The following COG3 variants were observed in gnomAD, a reference collection of about 807,000 sequenced individuals.
The protein encoded by COG3 is component of oligomeric golgi complex 3.
A neutral mutation model predicts 114.1 loss-of-function variants in COG3; 32 were observed. The ratio of observed to expected loss-of-function variants is 0.28; its 90% CI spans 0.21 to 0.38. The LOEUF is 0.38. Ranked by LOEUF, COG3 falls within the 10% of genes least tolerant of loss-of-function variation. COG3 has a pLI of 1.00. For missense variants in COG3, 813 were observed against 973.2 expected (o/e 0.84, Z 2.19); for synonymous variants, 352 against 365.7 (o/e 0.96, Z 0.43).
chr13:45,523,149 GT>G (rs68132374), intron 19 of COG3, among the ~76,000 whole-genome samples: 100,554 of 143,294 alleles, frequency 0.7, 36,327 homozygotes, highest in Admixed American at 0.8. Context: ...GCTTAAAAGT[GT>G]TTTTTTTTTT....
At position 45,519,060 on chromosome 13, in the gene COG3, T is replaced by A. The variant is rs779589226; in HGVS notation, c.2120T>A (p.Leu707Gln). 8.1e-6 allele frequency: 13 copies of A among 1,614,228 alleles called. No homozygotes were observed. The Admixed American group carries it at 1.7e-4, about 21-fold the overall frequency. ...CEQFIQQQTK[L>Q]FVEQLEEFMT... ...CAGTTTATTCAGCAGCAGACCAAGC[T>A]GTTTGTAGAACAGCTGGAGGAGTTC... The change falls in exon 19 of 23, where the codon CTG (leucine) becomes CAG (glutamine). Residue 707 changes from leucine (L) to glutamine (Q), a missense_variant. By Grantham distance (113) the Leu-to-Gln change is moderately radical. Around this residue, in one of 2 missense-constraint regions of COG3, gnomAD observed 389 missense variants for 542.6 expected, o/e 0.72. Coordinates refer to ENST00000349995, the MANE Select transcript of COG3 (RefSeq NM_031431.4).
At chr13:45,491,831 C>G (rs1887035651) in intron 10 of COG3, among the ~76,000 whole-genome samples, 1 of 152,008 alleles carries the variant, frequency 6.6e-6, no homozygotes, top group Admixed American at 6.6e-5. Flanking sequence ...TGCAGAAGTG[C>G]TTTTTTGTTT....
Position 45,480,157 on chromosome 13 carries a change from A to G in COG3, c.416A>G (p.Glu139Gly). Reference sequence around the variant, plus strand: ...AGGGATTACTTGTCTGGGTTTCAGGAGCAGTGTGATGCTATATTGAATGAT... The same window carrying G: ...AGGGATTACTTGTCTGGGTTTCAGGGGCAGTGTGATGCTATATTGAATGAT... ...QMRDYLSGFQ[E>G]QCDAILNDVN... Residue 139 changes from glutamate to glycine, a missense_variant, in exon 4 of 23, where the codon GAG becomes GGG. This residue lies in a region of COG3 where 424 missense variants were observed against 430.6 expected (regional missense o/e 0.98). Transcript: ENST00000349995. 6.2e-7 allele frequency: 1 copy of G among 1,612,688 alleles called. No individual in the cohort carries two copies. Among genetic ancestry groups the G allele is most frequent in the South Asian group, 1.1e-5 (1 of 90,888 alleles).
chr13:45,502,613 C>T (rs1460269285), intron 13 of COG3, among the ~76,000 whole-genome samples: 1 of 151,958 alleles, frequency 6.6e-6, no homozygotes, highest in Non-Finnish European at 1.5e-5. Context: ...CTAATCAATT[C>T]TCTGGCTATT....
At chr13:45,493,618 C>T in intron 12 of COG3, 132 bp downstream of exon 12, 4 of 671,616 alleles carry the variant, frequency 6.0e-6, no homozygotes, top group Non-Finnish European at 9.3e-6. Flanking sequence ...TGATGCCTTA[C>T]CCCTTCTTGA....
intron 13 of COG3, among the ~76,000 whole-genome samples, chr13:45,502,691 T>C (rs1869677079): frequency 1.3e-5 from 2 of 152,226 alleles, no homozygotes; most frequent in South Asian, 4.1e-4. Flanking sequence ...ATAAGTTGTT[T>C]AGTGGTGATT....
intron 1 of COG3, among the ~76,000 whole-genome samples, chr13:45,475,400 C>T (rs1206372557): frequency 6.6e-6 from 1 of 151,660 alleles, no homozygotes; most frequent in Non-Finnish European, 1.5e-5. Flanking sequence ...ACGGGGGTGT[C>T]ACTATGTTGC....
intron 17 of COG3, among the ~76,000 whole-genome samples, chr13:45,517,680 A>G (rs1157988047): frequency 3.3e-5 from 5 of 152,060 alleles, no homozygotes; most frequent in African/African-American, 1.2e-4. Context: ...GATTTCATTC[A>G]TTCCTTTCAG....
Position 45,493,364 on chromosome 13 carries a change from T to C in COG3, c.1205T>C (p.Leu402Pro), listed in dbSNP as rs761578108. Residue 402 changes from leucine (L) to proline (P), a missense_variant, in exon 12 of 23, where the codon CTG (leucine) becomes CCG (proline). Around this residue, in one of 2 missense-constraint regions of COG3, gnomAD observed 389 missense variants for 542.6 expected, o/e 0.72. Transcript: ENST00000349995. Reference protein sequence around the residue: ...TSKLDELLEKLCVSLYDVFRP... With the variant: ...TSKLDELLEKPCVSLYDVFRP... ...CATTTTAGTGAGCTTTTGGAGAAAC[T>C]GTGTGTGTCATTGTATGATGTCTTC... The C allele has an allele frequency of 1.9e-6, 3 of 1,611,310 alleles. No individual in the cohort carries two copies. The highest frequency in any genetic ancestry group is 2.5e-6 in the Non-Finnish European group (3 of 1,178,494).
intron 16 of COG3, among the ~76,000 whole-genome samples, chr13:45,514,157 CTTTTTTT>C (rs57033822): frequency 1.1e-5 from 1 of 93,854 alleles, no homozygotes. Context: ...TGTCCTCTCT[CTTTTTTT>C]TTTTTTTTTT....
chr13:45,518,409 A>G (rs1019849871), intron 17 of COG3, among the ~76,000 whole-genome samples: 6 of 152,222 alleles, frequency 3.9e-5, no homozygotes, highest in Non-Finnish European at 8.8e-5. Context: ...GCCAGCCAAG[A>G]TTTTAATAAA....
At chr13:45,477,454 A>G (rs1489120946) in intron 2 of COG3, among the ~76,000 whole-genome samples, 1 of 152,206 alleles carries the variant, frequency 6.6e-6, no homozygotes, top group Non-Finnish European at 1.5e-5. Context: ...TGAAAAGTGT[A>G]TATACCTATG....
At chr13:45,519,865 T>A (rs1026824985) in intron 19 of COG3, among the ~76,000 whole-genome samples, 2 of 152,316 alleles carry the variant, frequency 1.3e-5, no homozygotes, top group East Asian at 3.9e-4. Flanking sequence ...TAAAATCCAT[T>A]AACTGGCAAA....
At chr13:45,475,600 T>A (rs1885811115) in intron 1 of COG3, among the ~76,000 whole-genome samples, 1 of 152,238 alleles carries the variant, frequency 6.6e-6, no homozygotes, top group Admixed American at 6.5e-5. Context: ...TCTCTTTGCC[T>A]GGTGGTAGTT....
intron 1 of COG3, among the ~76,000 whole-genome samples, chr13:45,470,125 T>C (rs1391140058): frequency 6.6e-6 from 1 of 152,240 alleles, no homozygotes; most frequent in Non-Finnish European, 1.5e-5. Flanking sequence ...CCTTATACTC[T>C]GTTGAAGAGA....
At chr13:45,528,498 A>G (rs1029958624) in intron 20 of COG3, among the ~76,000 whole-genome samples, 2 of 152,140 alleles carry the variant, frequency 1.3e-5, no homozygotes, top group African/African-American at 2.4e-5. Context: ...TGTTTTTTAC[A>G]TGGTATATTA....
chr13:45,529,571 G>A (rs34157835), intron 20 of COG3, among the ~76,000 whole-genome samples: 1 of 151,878 alleles, frequency 6.6e-6, no homozygotes, highest in Non-Finnish European at 1.5e-5. Flanking sequence ...TGCTGCCTTA[G>A]CCCTTGGGAT....
chr13:45,488,254 G>T (rs948334267), intron 8 of COG3, among the ~76,000 whole-genome samples: 2 of 152,074 alleles, frequency 1.3e-5, no homozygotes, highest in East Asian at 3.8e-4. Context: ...TGGAGAGGTT[G>T]GTTAATGGGT....
chr13:45,487,832 TCAAAAAA>T (rs1295123649), intron 8 of COG3, among the ~76,000 whole-genome samples: 3 of 152,154 alleles, frequency 2.0e-5, no homozygotes, highest in Admixed American at 6.5e-5. Flanking sequence ...TGGAGATTTC[TCAAAAAA>T]CTAAAAATAG....
Sources: gnomAD v4.1 joint callset for allele counts (sites outside exome capture counted in the v4.1 genomes callset) on GRCh38, gnomAD v4.1.1 for gene constraint, gnomAD v4.1.1 regional missense constraint, MANE v1.5 for transcripts, NCBI Gene and HGNC (gene_info 2026-07-23, HGNC 2026-07-21) for gene names.